SLC6A16: variants seen among roughly 807,000 people sequenced by gnomAD.
The protein encoded by SLC6A16 is orphan sodium- and chloride-dependent neurotransmitter transporter NTT5.
SLC6A16 carries 54 observed loss-of-function variants against 65.4 expected under a neutral mutation model. The observed-to-expected ratio is 0.83, with a 90% CI of 0.66 to 1.04. The LOEUF is 1.04. Among genes scored for constraint, SLC6A16 ranks in the 50% least tolerant of loss-of-function variants. SLC6A16 has a pLI of 0.00. For missense variants in SLC6A16, 816 were observed against 914.0 expected (o/e 0.89, Z 1.38); for synonymous variants, 330 against 346.5 (o/e 0.95, Z 0.53).
the SLC6A16 span, chr19:49,339,684 G>T: frequency 1.2e-5 from 17 of 1,422,626 alleles, no homozygotes; most frequent in Non-Finnish European, 1.6e-5. The surrounding 1 kb of genome is among the most constrained non-coding windows in gnomAD (Gnocchi z 4.5). Flanking sequence ...TGAGCGTACA[G>T]CTACAGCGCA....
intron 1 of SLC6A16, among the ~76,000 whole-genome samples, chr19:49,322,185 C>CA (rs984615837): frequency 1.6e-4 from 25 of 151,746 alleles, no homozygotes; most frequent in Admixed American, 1.1e-3. Flanking sequence ...AAATTTTCAC[C>CA]AAAAAAATTT....
At position 49,292,627 on chromosome 19, in the gene SLC6A16, C is replaced by T. The variant is rs1970099559; in HGVS notation, c.1778+596G>A. Among the ~76,000 whole-genome samples, 1 of 152,136 alleles carries T rather than the reference C, an allele frequency of 6.6e-6. No homozygotes were observed. The highest frequency in any genetic ancestry group is 2.4e-5 in the African/African-American group (1 of 41,430). ...CTTGGCCACCATCACTTCTCTAGCCCCATCTCCTAATATCTTCTATTCCAG... is the reference window on the plus strand; with the variant it reads ...CTTGGCCACCATCACTTCTCTAGCCTCATCTCCTAATATCTTCTATTCCAG... On this transcript the variant is annotated intron_variant, in intron 10 of 11. Coordinates refer to ENST00000335875, the MANE Select transcript of SLC6A16 (RefSeq NM_014037.3). This position sits in a 1 kb window ranked among gnomAD's most constrained non-coding sequence, Gnocchi z 4.3.
chr19:49,339,072 C>G, the SLC6A16 span: 1 of 764,198 alleles, frequency 1.3e-6, no homozygotes, highest in Admixed American at 2.4e-5. The surrounding 1 kb of genome is among the most constrained non-coding windows in gnomAD (Gnocchi z 4.5). Flanking sequence ...GGGCGGGGCC[C>G]TCTGAAGGGG....
chr19:49,328,540 G>A (rs997767703), upstream of SLC6A16, among the ~76,000 whole-genome samples: 2 of 152,236 alleles, frequency 1.3e-5, no homozygotes, highest in African/African-American at 4.8e-5. Flanking sequence ...GTGTTGATTA[G>A]ATCTGGGTAA....
chr19:49,309,515 G>T, intron 5 of SLC6A16, 104 bp from the exon 6 acceptor site: 1 of 1,267,582 alleles, frequency 7.9e-7, no homozygotes, highest in Non-Finnish European at 1.1e-6. Flanking sequence ...GGAGTTAGAA[G>T]AAAGCCTTCA....
chr19:49,334,621 A>G, the SLC6A16 span, among the ~76,000 whole-genome samples: 3 of 152,146 alleles, frequency 2.0e-5, no homozygotes, highest in Admixed American at 1.3e-4. Context: ...GCTTGAGTCC[A>G]GGAGTTCCAG....
chr19:49,324,601 C>T (rs1258378047), intron 1 of SLC6A16, among the ~76,000 whole-genome samples: 2 of 152,160 alleles, frequency 1.3e-5, no homozygotes, highest in Admixed American at 1.3e-4. Context: ...TGCCCATTCC[C>T]CTCACATTAC....
At chr19:49,294,319 A>G in intron 8 of SLC6A16, 48 bp downstream of exon 8, 3 of 1,573,012 alleles carry the variant, frequency 1.9e-6, no homozygotes, top group South Asian at 2.3e-5. Context: ...CTGTTGTGCT[A>G]AAGGCTTTCA....
the SLC6A16 span, chr19:49,336,150 A>C: frequency 2.1e-5 from 6 of 284,722 alleles, no homozygotes; most frequent in East Asian, 7.8e-5. Context: ...GAAAATAATA[A>C]TGAAGTATGA....
At position 49,318,355 on chromosome 19, in the gene SLC6A16, C is replaced by A. The variant is rs568915779; in HGVS notation, c.-65+6693G>T. ...GTTCTAGTAGTAGGACTACTTTAGA[C>A]CTGAAAAAAAAAAATTCTTAAAAGC... On this transcript the variant is annotated intron_variant, in intron 1 of 11. Transcript: ENST00000335875. Among the ~76,000 whole-genome samples the A allele has an allele frequency of 9.9e-5, 15 of 151,866 alleles. No individual in the cohort carries two copies. The South Asian group carries it at 2.9e-3, about 29-fold the overall frequency.
chr19:49,325,234 C>G (rs76779193), upstream of SLC6A16: 888 of 984,660 alleles, frequency 9.0e-4, 6 homozygotes, highest in African/African-American at 0.014. Context: ...GCGCATGCGC[C>G]GCCGCGCCCC....
In SLC6A16 at chr19:49,290,099, T is replaced by C. The variant is rs1424677871; in HGVS notation, c.*24A>G. Reference sequence around the variant, plus strand: ...TATTGGATCTGTTCTAAGGGATATGTTATGTGAAGCCAAATTAATGAAGTT... The same window carrying C: ...TATTGGATCTGTTCTAAGGGATATGCTATGTGAAGCCAAATTAATGAAGTT... On this transcript the variant is annotated 3_prime_UTR_variant, in exon 12 of 12. Transcript: ENST00000335875. 1 of 1,608,650 alleles carries C rather than the reference T, an allele frequency of 6.2e-7. No individual in the cohort carries two copies. Among genetic ancestry groups the C allele is most frequent in the Admixed American group, 1.7e-5 (1 of 59,788 alleles).
intron 1 of SLC6A16, among the ~76,000 whole-genome samples, chr19:49,316,963 G>C (rs1272394587): frequency 6.6e-6 from 1 of 151,914 alleles, no homozygotes; most frequent in Non-Finnish European, 1.5e-5. Flanking sequence ...CTTGAGCCCA[G>C]GAGTTCAAGG....
the SLC6A16 span, chr19:49,339,417 A>G: frequency 6.2e-7 from 1 of 1,613,102 alleles, no homozygotes; most frequent in Non-Finnish European, 8.5e-7. The surrounding 1 kb of genome is among the most constrained non-coding windows in gnomAD (Gnocchi z 4.5). Context: ...ACTCGAGGTG[A>G]TCTGGCCCCG....
chr19:49,339,073 T>A, the SLC6A16 span: 1 of 755,316 alleles, frequency 1.3e-6, no homozygotes, highest in Non-Finnish European at 2.2e-6. This position sits in a 1 kb window ranked among gnomAD's most constrained non-coding sequence, Gnocchi z 4.5. Context: ...GGCGGGGCCC[T>A]CTGAAGGGGG....
intron 1 of SLC6A16, among the ~76,000 whole-genome samples, chr19:49,316,953 C>T (rs1490111202): frequency 6.6e-6 from 1 of 151,708 alleles, no homozygotes; most frequent in Non-Finnish European, 1.5e-5. Context: ...GAGAGGATCG[C>T]TTGAGCCCAG....
At chr19:49,331,963 G>A in the SLC6A16 span, 2 of 449,126 alleles carry the variant, frequency 4.5e-6, no homozygotes, top group Non-Finnish European at 9.0e-6. Flanking sequence ...ATCAGTGGGT[G>A]GGAAGGAGGG....
At chr19:49,302,740 T>G (rs1970312969) in intron 7 of SLC6A16, among the ~76,000 whole-genome samples, 1 of 151,634 alleles carries the variant, frequency 6.6e-6, no homozygotes, top group African/African-American at 2.4e-5. Context: ...TTTAACAAAA[T>G]CAGGAAAACA....
intron 7 of SLC6A16, among the ~76,000 whole-genome samples, chr19:49,303,652 CAAAAAAAAAAAAAG>C (rs1970329480): frequency 1.1e-5 from 1 of 87,896 alleles, no homozygotes; most frequent in Non-Finnish European, 2.4e-5. Context: ...GAGACTGTCT[CAAAAAAAAAAAAAG>C]AAAAAAGAAA....
Sources: gnomAD v4.1 joint callset for allele counts (sites outside exome capture counted in the v4.1 genomes callset) on GRCh38, gnomAD v4.1.1 for gene constraint, Gnocchi (gnomAD v3.1) non-coding constraint, MANE v1.5 for transcripts, NCBI Gene and HGNC (gene_info 2026-07-23, HGNC 2026-07-21) for gene names.